The following CHD7 variants were observed in gnomAD, a reference collection of about 807,000 sequenced individuals.
The protein encoded by CHD7 is chromodomain helicase DNA binding protein 7, also known as ATP-dependent chromatin remodeler CHD7.
Under a neutral mutation model 307.3 loss-of-function variants are expected in CHD7, and 24 were observed. The ratio of observed to expected loss-of-function variants is 0.08; its 90% CI spans 0.06 to 0.11. The LOEUF (loss-of-function observed/expected upper bound fraction) is 0.11. CHD7 is among the 10% of genes least tolerant of loss of function. The pLI is 1.00. For synonymous variants in CHD7, 1,363 were observed against 1,349.9 expected (o/e 1.01, Z -0.21); for missense variants, 3,106 against 3,727.1 (o/e 0.83, Z 4.34).
At chr8:60,796,052 G>T (rs185533871) in intron 4 of CHD7, among the ~76,000 whole-genome samples, 1 of 152,314 alleles carries the variant, frequency 6.6e-6, no homozygotes, top group Admixed American at 6.5e-5. Context: ...CTGTTCCAAA[G>T]AATTTCAGAT....
At chr8:60,824,290 A>G (rs1804173459) in intron 13 of CHD7, 3 of 429,548 alleles carry the variant, frequency 7.0e-6, no homozygotes, top group Non-Finnish European at 8.2e-6. Flanking sequence ...CCCTTTGTTC[A>G]TAAATACAGG....
At chr8:60,747,777 C>T (rs1173039523) in intron 2 of CHD7, among the ~76,000 whole-genome samples, 3 of 152,186 alleles carry the variant, frequency 2.0e-5, no homozygotes, top group Non-Finnish European at 2.9e-5. Flanking sequence ...AATAGGAGCA[C>T]CACCGCTTAA....
At chr8:60,708,813 G>C (rs775984416) in intron 1 of CHD7, among the ~76,000 whole-genome samples, 4 of 152,104 alleles carry the variant, frequency 2.6e-5, no homozygotes, top group Non-Finnish European at 5.9e-5. Context: ...CTTTTCAACC[G>C]AATGCAACTT....
chr8:60,705,409 G>A (rs548330651), intron 1 of CHD7, among the ~76,000 whole-genome samples: 9 of 152,292 alleles, frequency 5.9e-5, no homozygotes, highest in Admixed American at 5.9e-4. Flanking sequence ...GCATAAACAT[G>A]CTTATTTGTT....
chr8:60,680,275 C>T (rs1199476928), intron 1 of CHD7, among the ~76,000 whole-genome samples: 1 of 148,368 alleles, frequency 6.7e-6, no homozygotes, highest in South Asian at 2.1e-4. Flanking sequence ...GTGGGGGACG[C>T]GTTGTTTGTT....
chr8:60,750,378 A>G (rs1275443565), intron 2 of CHD7, among the ~76,000 whole-genome samples: 2 of 152,162 alleles, frequency 1.3e-5, no homozygotes, highest in African/African-American at 4.8e-5. Context: ...GAAGGCAGGG[A>G]GGAGACAGCA....
At chr8:60,714,509 C>T (rs1348693907) in intron 1 of CHD7, among the ~76,000 whole-genome samples, 1 of 151,700 alleles carries the variant, frequency 6.6e-6, no homozygotes, top group Non-Finnish European at 1.5e-5. Flanking sequence ...CGCGCCCGTG[C>T]GCACCGCTGT....
At chr8:60,683,749 G>C (rs1295149757) in intron 1 of CHD7, among the ~76,000 whole-genome samples, 2 of 152,214 alleles carry the variant, frequency 1.3e-5, no homozygotes, top group Non-Finnish European at 2.9e-5. Flanking sequence ...TGCCAGTGCA[G>C]GAGGGGTGCT....
chr8:60,779,287 C>CA (rs1182017671), intron 2 of CHD7, among the ~76,000 whole-genome samples: 1 of 152,160 alleles, frequency 6.6e-6, no homozygotes, highest in Non-Finnish European at 1.5e-5. Flanking sequence ...TCTCTTAACT[C>CA]AGAGTTCTGG....
At position 60,822,156 on chromosome 8, in the gene CHD7, C is replaced by A; in HGVS notation, c.2957+11C>A. On this transcript the variant is annotated intron_variant, in intron 11 of 37. Coordinates refer to ENST00000423902, the MANE Select transcript of CHD7 (RefSeq NM_017780.4). ...CAATTGGTACAACATGTATGTAAAA[C>A]AAGTTTTTCTTCACTTTTAAATATA... 1 of 1,598,672 alleles carries A rather than the reference C, an allele frequency of 6.3e-7. No homozygotes were observed. Among genetic ancestry groups the A allele is most frequent in the East Asian group, 2.2e-5 (1 of 44,726 alleles).
At chr8:60,836,637 GTCAT>G (rs1418026237) in intron 16 of CHD7, among the ~76,000 whole-genome samples, 176 bp from the exon 17 acceptor site, 2 of 152,034 alleles carry the variant, frequency 1.3e-5, no homozygotes, top group East Asian at 1.9e-4. Flanking sequence ...TTAATCTTTG[GTCAT>G]TCAATCAATT....
intron 1 of CHD7, among the ~76,000 whole-genome samples, chr8:60,722,135 C>A (rs1264122462): frequency 6.6e-6 from 1 of 152,162 alleles, no homozygotes; most frequent in Non-Finnish European, 1.5e-5. Flanking sequence ...GGTCTTTACC[C>A]ACTTCTTTTC....
intron 2 of CHD7, among the ~76,000 whole-genome samples, chr8:60,750,292 A>G (rs1389211907): frequency 6.6e-6 from 1 of 152,214 alleles, no homozygotes; most frequent in Non-Finnish European, 1.5e-5. Context: ...GAAAGGCAGT[A>G]CCACATGAAA....
chr8:60,764,696 T>C (rs1163330981), intron 2 of CHD7, among the ~76,000 whole-genome samples: 1 of 152,212 alleles, frequency 6.6e-6, no homozygotes. Context: ...TGTGAGGTCC[T>C]GAAGGTATTC....
intron 4 of CHD7, among the ~76,000 whole-genome samples, chr8:60,797,421 T>G (rs1232950562): frequency 6.6e-6 from 1 of 152,258 alleles, no homozygotes; most frequent in Non-Finnish European, 1.5e-5. Context: ...TTAAAAGTTA[T>G]ACTTACCAAC....
chr8:60,811,874 A>G (rs570149647), intron 7 of CHD7, among the ~76,000 whole-genome samples: 13 of 152,278 alleles, frequency 8.5e-5, no homozygotes, highest in African/African-American at 2.9e-4. Flanking sequence ...TTTTGTAAGA[A>G]ATTGTATTTC....
intron 25 of CHD7, among the ~76,000 whole-genome samples, chr8:60,850,229 C>G (rs1010227731): frequency 6.6e-6 from 1 of 152,206 alleles, no homozygotes; most frequent in Non-Finnish European, 1.5e-5. Context: ...TCCCAGGCAT[C>G]TTGCAGTTAT....
At chr8:60,696,231 A>G (rs1410014308) in intron 1 of CHD7, among the ~76,000 whole-genome samples, 1 of 152,230 alleles carries the variant, frequency 6.6e-6, no homozygotes, top group Non-Finnish European at 1.5e-5. Flanking sequence ...GTCTACAACA[A>G]TACAAATTAA....
Position 60,743,076 on chromosome 8 carries a change from G to C in CHD7, c.1644G>C (p.Pro548=). 1 of 1,613,444 alleles carries C rather than the reference G, an allele frequency of 6.2e-7. No homozygotes were observed. Among genetic ancestry groups the C allele is most frequent in the South Asian group, 1.1e-5 (1 of 90,954 alleles). The part of the protein sequence containing the change: ...AQLHPSPQNT[P]QKVPVHQHSP... Reference sequence around the variant, plus strand: ...TCCACCCATCACCCCAGAACACCCCGCAGAAAGTGCCTGTGCATCAGGTAA... The same window carrying C: ...TCCACCCATCACCCCAGAACACCCCCCAGAAAGTGCCTGTGCATCAGGTAA... Residue 548 remains proline (P), a synonymous_variant, in exon 2 of 38, where the codon CCG becomes CCC. Transcript: ENST00000423902.
Sources: allele counts gnomAD v4.1 joint callset (sites outside exome capture counted in the v4.1 genomes callset), GRCh38; gene constraint gnomAD v4.1.1; transcripts MANE v1.5; gene names NCBI Gene and HGNC (gene_info 2026-07-23, HGNC 2026-07-21).